PPARGC1A: variants seen among roughly 807,000 people sequenced by gnomAD.
PPARGC1A encodes PPARG coactivator 1 alpha.
A neutral mutation model predicts 88.7 loss-of-function variants in PPARGC1A; 25 were observed. The ratio of observed to expected loss-of-function variants is 0.28; its 90% CI spans 0.21 to 0.39. The LOEUF is 0.39. Among genes scored for constraint, PPARGC1A ranks in the 10% least tolerant of loss-of-function variants. PPARGC1A has a pLI of 1.00. For missense variants in PPARGC1A, 880 were observed against 968.7 expected, an observed-to-expected ratio of 0.91 and a Z score of 1.22; for synonymous variants, 363 against 355.6, an observed-to-expected ratio of 1.02 and a Z score of -0.24.
chr4:24,316,534 T>C, the PPARGC1A span, among the ~76,000 whole-genome samples: 1 of 152,198 alleles, frequency 6.6e-6, no homozygotes, highest in Non-Finnish European at 1.5e-5. Context: ...GAATAAGGTT[T>C]TTAAAACCCT....
At chr4:24,282,524 A>C in the PPARGC1A span, among the ~76,000 whole-genome samples, 1 of 152,260 alleles carries the variant, frequency 6.6e-6, no homozygotes, top group African/African-American at 2.4e-5. Flanking sequence ...CCTGTCCATC[A>C]GAACGTGTCA....
At chr4:24,367,459 A>G in the PPARGC1A span, among the ~76,000 whole-genome samples, 2 of 152,326 alleles carry the variant, frequency 1.3e-5, no homozygotes, top group African/African-American at 4.8e-5. Flanking sequence ...AAAATTCCAA[A>G]TGAAATGGGC....
the PPARGC1A span, among the ~76,000 whole-genome samples, chr4:24,175,007 G>A: frequency 1.3e-5 from 2 of 152,034 alleles, no homozygotes; most frequent in African/African-American, 4.8e-5. Context: ...ATGTCTCCCA[G>A]GAATCTTGTT....
the PPARGC1A span, among the ~76,000 whole-genome samples, chr4:24,209,442 G>A: frequency 6.6e-6 from 1 of 152,168 alleles, no homozygotes; most frequent in African/African-American, 2.4e-5. Context: ...CCACAGCTGT[G>A]CATAGGCTGC....
At chr4:24,084,566 G>T in the PPARGC1A span, among the ~76,000 whole-genome samples, 1 of 152,194 alleles carries the variant, frequency 6.6e-6, no homozygotes, top group African/African-American at 2.4e-5. Context: ...ACCTAGGAAT[G>T]AGTTATAGAG....
At chr4:23,877,640 T>G (rs1007458364) in intron 2 of PPARGC1A, 4 of 149,852 alleles carry the variant, frequency 2.7e-5, no homozygotes, top group African/African-American at 4.9e-5. Flanking sequence ...TCACAGGCAA[T>G]TCATTTTATA....
At chr4:23,889,176 G>T (rs1460408637) in intron 1 of PPARGC1A, 1 of 985,262 alleles carries the variant, frequency 1.0e-6, no homozygotes, top group African/African-American at 1.7e-5. Context: ...TCCACACACA[G>T]TCCTGCATAA....
In PPARGC1A at chr4:23,795,329, A is replaced by ATATATATT. The variant is rs1335453292; in HGVS notation, c.*492_*493insAATATATA. 22 of 10,526 alleles carry ATATATATT rather than the reference A, an allele frequency of 2.1e-3. 2 individuals carry two copies. The highest frequency in any genetic ancestry group is 0.02 in the East Asian group (14 of 696). 0.7% of individuals were successfully genotyped at this position (10,526 alleles called of 1,614,324 possible). A position where few individuals can be genotyped will look rare whatever the true frequency, so the allele number is the denominator to read the frequency against. On this transcript the variant is annotated 3_prime_UTR_variant, in exon 13 of 13. Transcript: ENST00000264867. Reference sequence around the variant, plus strand: ...TATATATATATATATATATATATATATTTCCTTTTGAATAGAATACGAACA... The same window carrying ATATATATT: ...TATATATATATATATATATATATATATATATATTTTTCCTTTTGAATAGAATACGAACA...
the PPARGC1A span, among the ~76,000 whole-genome samples, chr4:23,944,531 G>A: frequency 1.3e-5 from 2 of 152,156 alleles, no homozygotes; most frequent in African/African-American, 4.8e-5. Context: ...GTTCCCAAGT[G>A]AAAACAAAAT....
the PPARGC1A span, among the ~76,000 whole-genome samples, chr4:23,932,780 TC>T: frequency 6.6e-6 from 1 of 152,166 alleles, no homozygotes; most frequent in Non-Finnish European, 1.5e-5. Flanking sequence ...AGCAAGATTT[TC>T]CTGTTCATGT....
intron 2 of PPARGC1A, among the ~76,000 whole-genome samples, chr4:23,878,563 G>A (rs1455313390): frequency 6.6e-6 from 1 of 152,084 alleles, no homozygotes; most frequent in Admixed American, 6.6e-5. Flanking sequence ...ATAATGGCAG[G>A]GAAGAAATAG....
the PPARGC1A span, among the ~76,000 whole-genome samples, chr4:24,424,674 G>A: frequency 1.3e-5 from 2 of 152,294 alleles, no homozygotes; most frequent in South Asian, 4.1e-4. Flanking sequence ...ATCCATCCCA[G>A]TTAGAATGCC....
the PPARGC1A span, among the ~76,000 whole-genome samples, chr4:24,166,385 T>C: frequency 2.6e-3 from 389 of 152,324 alleles, 1 homozygote; most frequent in African/African-American, 8.9e-3. Flanking sequence ...GCCAAGATCA[T>C]TGGTGACAGG....
At chr4:24,232,063 G>A in the PPARGC1A span, among the ~76,000 whole-genome samples, 82 of 152,218 alleles carry the variant, frequency 5.4e-4, no homozygotes, top group African/African-American at 1.7e-3. Flanking sequence ...CATGAAACAC[G>A]TTTTTGAAAT....
chr4:23,895,873 T>C (rs539421687), intron 1 of PPARGC1A, among the ~76,000 whole-genome samples: 16 of 151,924 alleles, frequency 1.1e-4, no homozygotes, highest in African/African-American at 2.9e-4. Context: ...ATTTGCATTA[T>C]TGAAAACTTG....
chr4:24,113,594 G>A, the PPARGC1A span, among the ~76,000 whole-genome samples: 71 of 152,214 alleles, frequency 4.7e-4, 1 homozygote, highest in Middle Eastern at 0.027. Flanking sequence ...AATGTGTTTA[G>A]GGAAAGAAGG....
the PPARGC1A span, among the ~76,000 whole-genome samples, chr4:24,378,440 T>C: frequency 6.6e-6 from 1 of 152,172 alleles, no homozygotes; most frequent in Admixed American, 6.5e-5. Flanking sequence ...TACTTATCTT[T>C]ACCTATTTAT....
chr4:24,437,621 G>GTTT, the PPARGC1A span, among the ~76,000 whole-genome samples: 111 of 151,726 alleles, frequency 7.3e-4, 5 homozygotes, highest in South Asian at 0.022. Context: ...TGTTGTTGTT[G>GTTT]TTGTTGTTGT....
chr4:23,865,969 A>G (rs972867343), intron 2 of PPARGC1A, among the ~76,000 whole-genome samples: 1 of 151,130 alleles, frequency 6.6e-6, no homozygotes, highest in Non-Finnish European at 1.5e-5. Context: ...ACACACACAC[A>G]CGCACACATG....
Sources: gnomAD v4.1 joint callset for allele counts (sites outside exome capture counted in the v4.1 genomes callset) on GRCh38, gnomAD v4.1.1 for gene constraint, MANE v1.5 for transcripts, NCBI Gene and HGNC (gene_info 2026-07-23, HGNC 2026-07-21) for gene names.